Variants in CEP350 observed in about 807,000 individuals in gnomAD.
CEP350 encodes the protein centrosome-associated protein 350.
CEP350 carries 126 observed loss-of-function variants against 331.8 expected under a neutral mutation model. The ratio of observed to expected loss-of-function variants is 0.38; its 90% CI spans 0.33 to 0.44. The LOEUF is 0.44. CEP350 is among the 20% of genes least tolerant of loss of function. CEP350 has a pLI of 1.00. For synonymous variants in CEP350, 1,200 were observed against 1,259.5 expected (o/e 0.95, Z 1.00); for missense variants, 3,406 against 3,634.6 (o/e 0.94, Z 1.62).
Position 180,114,707 on chromosome 1 carries a change from T to C in CEP350, c.*3546T>C, listed in dbSNP as rs2149216675. ...TGGTCATCAGGCCATTTTCAGCCAATAGTCACATCCAGTGCAATTTTGCAC... is the reference window on the plus strand; with the variant it reads ...TGGTCATCAGGCCATTTTCAGCCAACAGTCACATCCAGTGCAATTTTGCAC... On this transcript the variant is annotated 3_prime_UTR_variant, in exon 38 of 38. Coordinates refer to ENST00000367607, the MANE Select transcript of CEP350 (RefSeq NM_014810.5). 6.5e-6 allele frequency: 1 copy of C among 152,744 alleles called. No homozygotes were observed. 9.5% of individuals were successfully genotyped at this position (152,744 alleles called of 1,614,324 possible).
At chr1:180,046,085 T>G (rs568486311) in intron 21 of CEP350, among the ~76,000 whole-genome samples, 1 of 152,350 alleles carries the variant, frequency 6.6e-6, no homozygotes, top group Non-Finnish European at 1.5e-5. Context: ...CACCTAAGTG[T>G]TCTCCTACAG....
chr1:179,990,439 T>C, intron 3 of CEP350, 68 bp from the exon 4 acceptor site: 1 of 753,618 alleles, frequency 1.3e-6, no homozygotes, highest in Non-Finnish European at 2.1e-6. Flanking sequence ...TAAATAACCA[T>C]GTAAATTGAT....
chr1:180,033,193 T>C (rs1292609010), intron 15 of CEP350, among the ~76,000 whole-genome samples: 1 of 152,140 alleles, frequency 6.6e-6, no homozygotes, highest in African/African-American at 2.4e-5. Flanking sequence ...AATAATACCT[T>C]TAATGAGCTT....
At chr1:179,962,497 C>T (rs1341898372) in intron 1 of CEP350, among the ~76,000 whole-genome samples, 1 of 152,162 alleles carries the variant, frequency 6.6e-6, no homozygotes, top group Non-Finnish European at 1.5e-5. Context: ...GCAACTTCCG[C>T]CTCCCGGGTC....
chr1:180,071,018 C>T lies in CEP350; in HGVS notation c.5568-4004C>T, dbSNP rs188063028. Among the ~76,000 whole-genome samples, 911 of 151,684 alleles carry T rather than the reference C, an allele frequency of 6.0e-3. 11 individuals carry two copies. Among genetic ancestry groups the T allele is most frequent in the African/African-American group, 0.021 (870 of 41,332 alleles). ...CAAAAATTAGCTGGGCATGGCGGCG[C>T]GTGCCTGTAATCCCAGCTACTTGGG... On this transcript the variant is annotated intron_variant, in intron 27 of 37. Transcript: ENST00000367607.
intron 7 of CEP350, 53 bp from the exon 8 acceptor site, chr1:180,006,401 G>T: frequency 1.1e-6 from 1 of 910,938 alleles, no homozygotes; most frequent in Non-Finnish European, 1.8e-6. Flanking sequence ...CGGAGGATAA[G>T]TGAGGGAATG....
intron 32 of CEP350, among the ~76,000 whole-genome samples, chr1:180,089,457 A>G (rs1660044388): frequency 6.6e-6 from 1 of 151,760 alleles, no homozygotes; most frequent in African/African-American, 2.4e-5. Flanking sequence ...GTGGTGTGCG[A>G]CTGTAATCCC....
chr1:179,973,842 C>T (rs944114795), intron 1 of CEP350, among the ~76,000 whole-genome samples: 1 of 151,404 alleles, frequency 6.6e-6, no homozygotes, highest in Admixed American at 6.6e-5. Context: ...TCTTTTTCTC[C>T]CCCTCATTTA....
chr1:180,063,415 A>G lies in CEP350; in HGVS notation c.5409+1049A>G, dbSNP rs1227376937. Among the ~76,000 whole-genome samples the G allele has an allele frequency of 5.3e-5, 8 of 150,712 alleles. No individual in the cohort carries two copies. The East Asian group carries it at 9.9e-4, about 19-fold the overall frequency. ...GCCATGTTGCTCAGGCTGGTCTCCA[A>G]CTCCTGGGCTCAAGCAATCCATCTG... On this transcript the variant is annotated intron_variant, in intron 26 of 37. Transcript: ENST00000367607.
intron 37 of CEP350, among the ~76,000 whole-genome samples, chr1:180,106,806 ATTTT>A (rs61212527): frequency 6.9e-6 from 1 of 145,826 alleles, no homozygotes. Flanking sequence ...ACAGTTTATG[ATTTT>A]TTTTTTTTTT....
chr1:180,056,474 C>A (rs542270977), intron 25 of CEP350, among the ~76,000 whole-genome samples: 1 of 121,286 alleles, frequency 8.2e-6, no homozygotes, highest in African/African-American at 3.2e-5. Context: ...CTCCCCCCCC[C>A]CCTTTTTTTT....
At chr1:179,993,673 G>T (rs1278266803) in intron 5 of CEP350, among the ~76,000 whole-genome samples, 1 of 150,990 alleles carries the variant, frequency 6.6e-6, no homozygotes, top group African/African-American at 2.4e-5. Flanking sequence ...GAACTCATGG[G>T]CTCAAGTGTT....
Position 180,094,300 on chromosome 1 carries a change from C to T in CEP350, c.8195C>T (p.Ala2732Val), listed in dbSNP as rs1660359146. The T allele has an allele frequency of 1.2e-6, 2 of 1,613,810 alleles. No homozygotes were observed. Among genetic ancestry groups the T allele is most frequent in the Non-Finnish European group, 1.7e-6 (2 of 1,179,832 alleles). ...LLTREKNQLE[A>V]QLKSSLNEEK... ...ACAAGAGAAAAAAACCAACTGGAAG[C>T]CCAGCTGAAGTCATCACTAAATGAG... Residue 2732 changes from alanine to valine, a missense_variant, in exon 34 of 38, where the codon GCC becomes GTC. By Grantham distance (64) the Ala-to-Val change is moderately conservative. Transcript: ENST00000367607.
intron 22 of CEP350, among the ~76,000 whole-genome samples, chr1:180,048,982 C>T (rs1043374588): frequency 6.6e-6 from 1 of 152,096 alleles, no homozygotes; most frequent in Non-Finnish European, 1.5e-5. Context: ...ATGGGAGGAT[C>T]ACTTTAGCCT....
chr1:179,994,418 CCTAT>C (rs1400328295), intron 5 of CEP350, among the ~76,000 whole-genome samples: 1 of 151,460 alleles, frequency 6.6e-6, no homozygotes, highest in Admixed American at 6.6e-5. Flanking sequence ...ATTTCACAGC[CCTAT>C]CTCTTTCTTT....
chr1:179,959,235 T>G (rs2148522787), intron 1 of CEP350, among the ~76,000 whole-genome samples: 1 of 152,302 alleles, frequency 6.6e-6, no homozygotes, highest in East Asian at 1.9e-4. Flanking sequence ...GGCAAGTGGG[T>G]CACTTGAGGT....
rs141824327 is a variant in CEP350, at chr1:180,020,095, A to G, written c.2321A>G (p.Asp774Gly). The G allele has an allele frequency of 3.3e-3, 5,354 of 1,613,938 alleles. 17 individuals are homozygous for G. Among genetic ancestry groups the G allele is most frequent in the Non-Finnish European group, 4.2e-3 (4,941 of 1,179,892 alleles). Residue 774 changes from aspartate to glycine, a missense_variant, in exon 12 of 38, where the codon GAT (aspartate) becomes GGT (glycine). Asp to Gly is a moderately conservative substitution (Grantham distance 94). Around this residue, in one of 5 missense-constraint regions of CEP350, gnomAD observed 1,857 missense variants for 1,909.2 expected, o/e 0.97. Coordinates refer to ENST00000367607, the MANE Select transcript of CEP350 (RefSeq NM_014810.5). ...SLEHVGILHK[D>G]FESILPTRKN... is the part of the protein sequence containing the mutation. Reference sequence around the variant, plus strand: ...GAGCATGTAGGAATTTTGCATAAGGATTTTGAATCTATTTTACCAACCAGG... The same window carrying G: ...GAGCATGTAGGAATTTTGCATAAGGGTTTTGAATCTATTTTACCAACCAGG...
At chr1:179,991,707 G>GTGTGTGTGTGTATATATA (rs1385981536) in intron 4 of CEP350, among the ~76,000 whole-genome samples, 1 of 96,976 alleles carries the variant, frequency 1.0e-5, no homozygotes, top group Non-Finnish European at 2.0e-5. Flanking sequence ...GTGTGTGTGT[G>GTGTGTGTGTGTATATATA]TATATATATA....
chr1:180,055,785 A>G (rs1243792275), intron 25 of CEP350, among the ~76,000 whole-genome samples: 2 of 151,928 alleles, frequency 1.3e-5, no homozygotes, highest in Non-Finnish European at 2.9e-5. Context: ...TGACCTCGCG[A>G]TCCGCCATCC....
Sources: allele counts gnomAD v4.1 joint callset (sites outside exome capture counted in the v4.1 genomes callset), GRCh38; gene constraint gnomAD v4.1.1; regional missense constraint gnomAD v4.1.1; transcripts MANE v1.5; gene names NCBI Gene and HGNC (gene_info 2026-07-23, HGNC 2026-07-21).